CDK12: variants seen among roughly 807,000 people sequenced by gnomAD.
CDK12 encodes cyclin dependent kinase 12.
A neutral mutation model predicts 133.8 loss-of-function variants in CDK12; 17 were observed. The observed-to-expected ratio is 0.13, with a 90% CI of 0.09 to 0.19. The LOEUF (loss-of-function observed/expected upper bound fraction) is 0.19. Ranked by LOEUF, CDK12 falls within the 10% of genes least tolerant of loss-of-function variation. The probability of loss-of-function intolerance (pLI) is 1.00; values close to 1 mark genes in which losing one functional copy is unlikely to be tolerated. For synonymous variants in CDK12, 694 were observed against 683.6 expected (o/e 1.02, Z -0.24); for missense variants, 1,508 against 1,818.7 (o/e 0.83, Z 3.11).
chr17:39,490,495 G>T, intron 2 of CDK12, 62 bp from the exon 3 acceptor site: 4 of 1,250,204 alleles, frequency 3.2e-6, no homozygotes, highest in East Asian at 2.5e-5. Flanking sequence ...TATGATCTTT[G>T]AAAATTTTTA....
downstream of CDK12, among the ~76,000 whole-genome samples, chr17:39,537,928 GAAATTT>G (rs2055217020): frequency 6.6e-6 from 1 of 152,080 alleles, no homozygotes; most frequent in Admixed American, 6.6e-5. Flanking sequence ...TTGAGTTAGT[GAAATTT>G]ATAGGATAAT....
At chr17:39,517,123 T>A in intron 9 of CDK12, among the ~76,000 whole-genome samples, 1 of 152,182 alleles carries the variant, frequency 6.6e-6, no homozygotes. Flanking sequence ...TTGTAATTAC[T>A]ACTAACTGAA....
intron 3 of CDK12, among the ~76,000 whole-genome samples, chr17:39,559,606 T>C (rs1450969349): frequency 6.6e-6 from 1 of 152,154 alleles, no homozygotes; most frequent in Non-Finnish European, 1.5e-5. Context: ...TTTTTATTGT[T>C]TTAGACAGGA....
chr17:39,475,374 G>T (rs2050114509), intron 2 of CDK12, among the ~76,000 whole-genome samples: 1 of 151,988 alleles, frequency 6.6e-6, no homozygotes, highest in Non-Finnish European at 1.5e-5. Context: ...TTGGGAGGCT[G>T]AGGCAGGAGG....
intron 5 of CDK12, among the ~76,000 whole-genome samples, chr17:39,495,384 G>GTTTTT (rs60185847): frequency 9.0e-6 from 1 of 110,690 alleles, no homozygotes. Context: ...GGCCTCATGT[G>GTTTTT]TTTTTTTTTT....
In CDK12 at chr17:39,462,167, C is replaced by T. The variant is rs2049003045; in HGVS notation, c.96C>T (p.Ser32=). ...CATCGGGAGGCGGCAGCTCTAACAG[C>T]AGAGAGCGTCACCGCTTGGTATCGA... ...QPSSGGGSSN[S]RERHRLVSKH... is the part of the protein sequence containing the mutation. Residue 32 remains serine (S), a synonymous_variant, in exon 1 of 14, where the codon AGC becomes AGT. Transcript: ENST00000447079. 1 of 1,614,220 alleles carries T rather than the reference C, an allele frequency of 6.2e-7. No homozygotes were observed. The highest frequency in any genetic ancestry group is 8.5e-7 in the Non-Finnish European group (1 of 1,180,026).
intron 4 of CDK12, among the ~76,000 whole-genome samples, chr17:39,494,083 A>C (rs1425835676): frequency 6.6e-6 from 1 of 152,106 alleles, no homozygotes; most frequent in African/African-American, 2.4e-5. Context: ...ATTGAGAAGG[A>C]GTCTCACTCT....
chr17:39,511,084 G>A lies in CDK12; in HGVS notation c.2667-445G>A, dbSNP rs926660228. Among the ~76,000 whole-genome samples the A allele has an allele frequency of 1.9e-4, 28 of 150,244 alleles. No homozygotes were observed. In the South Asian group the frequency reaches 5.7e-3, roughly 31 times the overall value. On this transcript the variant is annotated intron_variant, in intron 7 of 13. Coordinates refer to ENST00000447079, the MANE Select transcript of CDK12 (RefSeq NM_016507.4). ...CAAAAAATTAGTGGAGTGTGGTGGC[G>A]GGCGCCTGTAGTCCCAGCTACTTGG...
At position 39,463,130 on chromosome 17, in the gene CDK12, T is replaced by C. The variant is rs755381423; in HGVS notation, c.1046+13T>C. 1.2e-6 allele frequency: 2 copies of C among 1,608,642 alleles called. No individual in the cohort carries two copies. The highest frequency in any genetic ancestry group is 1.7e-6 in the Non-Finnish European group (2 of 1,176,480). On this transcript the variant is annotated intron_variant, in intron 1 of 13. Coordinates refer to ENST00000447079, the MANE Select transcript of CDK12 (RefSeq NM_016507.4). ...GTCCACTCCCCAGGTGAGCTATTTG[T>C]CTAACAGTCCTTCCTCATTTAGGGT...
chr17:39,495,431 G>A lies in CDK12; in HGVS notation c.2419+737G>A, dbSNP rs1391608900. Reference sequence around the variant, plus strand: ...TTTTTTTTTTTATAAAATAATAAGTGAATGAATGGATATGATGCATGTATG... The same window carrying A: ...TTTTTTTTTTTATAAAATAATAAGTAAATGAATGGATATGATGCATGTATG... On this transcript the variant is annotated intron_variant, in intron 5 of 13. Coordinates refer to ENST00000447079, the MANE Select transcript of CDK12 (RefSeq NM_016507.4). Among the ~76,000 whole-genome samples the A allele has an allele frequency of 2.3e-5, 3 of 131,822 alleles. No individual in the cohort carries two copies. The East Asian group carries it at 6.6e-4, about 29-fold the overall frequency. 86.5% of individuals were successfully genotyped at this position (131,822 alleles called of 152,430 possible). A position where few individuals can be genotyped will look rare whatever the true frequency, so the allele number is the denominator to read the frequency against.
At chr17:39,518,645 G>A (rs1003186679) in intron 10 of CDK12, among the ~76,000 whole-genome samples, 2 of 151,298 alleles carry the variant, frequency 1.3e-5, no homozygotes, top group African/African-American at 4.9e-5. Flanking sequence ...CACAACCTTC[G>A]TCTCCCAGGT....
At chr17:39,483,475 A>G (rs2050880305) in intron 2 of CDK12, among the ~76,000 whole-genome samples, 1 of 151,882 alleles carries the variant, frequency 6.6e-6, no homozygotes, top group African/African-American at 2.4e-5. Context: ...TGTGTTGTCC[A>G]GGGTAGTAGA....
Position 39,532,131 on chromosome 17 carries a change from T to TG in CDK12, c.*815_*816insG. 2 of 232,898 alleles carry TG rather than the reference T, an allele frequency of 8.6e-6. No homozygotes were observed. Among genetic ancestry groups the TG allele is most frequent in the Non-Finnish European group, 1.7e-5 (2 of 117,970 alleles). 14.4% of individuals were successfully genotyped at this position (232,898 alleles called of 1,614,324 possible). ...CTCTCTCTCTCTCTCTCTCTCTCTC[T>TG]CTCTCTCTCTCTGTCTCGCTTGCTC... On this transcript the variant is annotated 3_prime_UTR_variant, in exon 14 of 14. Coordinates refer to ENST00000447079, the MANE Select transcript of CDK12 (RefSeq NM_016507.4).
At chr17:39,556,063 A>G (rs1388573497) in intron 2 of CDK12, among the ~76,000 whole-genome samples, 1 of 149,572 alleles carries the variant, frequency 6.7e-6, no homozygotes, top group African/African-American at 2.5e-5. Context: ...AAAACATGCC[A>G]CGATGCCACA....
At chr17:39,493,972 G>C (rs2051857957) in intron 4 of CDK12, among the ~76,000 whole-genome samples, 1 of 151,992 alleles carries the variant, frequency 6.6e-6, no homozygotes, top group Non-Finnish European at 1.5e-5. Flanking sequence ...CTGCAGCCTG[G>C]GTGACAGAGC....
At chr17:39,548,821 C>A (rs1358307199), upstream of CDK12, 1 of 152,262 alleles carries the variant, frequency 6.6e-6, no homozygotes, top group African/African-American at 2.4e-5. Context: ...CCACAATTGA[C>A]CCTCCATCTC....
chr17:39,498,110 C>G (rs1297213197), intron 5 of CDK12, among the ~76,000 whole-genome samples: 1 of 151,694 alleles, frequency 6.6e-6, no homozygotes. Flanking sequence ...CAAGGGATCC[C>G]CCTGACTCAG....
rs1436155086 is a variant in CDK12, at chr17:39,519,987, C to T, written c.2995C>T (p.His999Tyr). The change falls in exon 11 of 14, where the codon CAC becomes TAC. Residue 999 changes from histidine to tyrosine, a missense_variant. His to Tyr is a moderately conservative substitution (Grantham distance 83). Transcript: ENST00000447079. Reference protein sequence around the residue: ...IPSAALDLLDHMLTLDPSKRC... With the variant: ...IPSAALDLLDYMLTLDPSKRC... ...TTCTGCAGCACTTGATTTATTGGAC[C>T]ACATGCTGACACTAGATCCTAGTAA... The T allele has an allele frequency of 5.0e-6, 8 of 1,613,780 alleles. No homozygotes were observed. The highest frequency in any genetic ancestry group is 5.9e-6 in the Non-Finnish European group (7 of 1,179,928).
chr17:39,498,621 C>T (rs1451662615), intron 5 of CDK12, among the ~76,000 whole-genome samples: 1 of 152,152 alleles, frequency 6.6e-6, no homozygotes, highest in Non-Finnish European at 1.5e-5. Context: ...CCTCAAACTC[C>T]TGGGCTCAAA....
Sources: allele counts gnomAD v4.1 joint callset (sites outside exome capture counted in the v4.1 genomes callset), GRCh38; gene constraint gnomAD v4.1.1; transcripts MANE v1.5; gene names NCBI Gene and HGNC (gene_info 2026-07-23, HGNC 2026-07-21).